Variants in KCNN2 observed in about 807,000 individuals in gnomAD.
KCNN2 encodes potassium calcium-activated channel subfamily N member 2.
In KCNN2, 24 loss-of-function variants were observed where a neutral mutation model predicts 55.5. The ratio of observed to expected loss-of-function variants is 0.43; its 90% CI spans 0.31 to 0.61. The LOEUF is 0.61. Ranked by LOEUF, KCNN2 falls within the 20% of genes least tolerant of loss-of-function variation. KCNN2 has a pLI of 0.08. For missense variants in KCNN2, 754 were observed against 853.6 expected (o/e 0.88, Z 1.45); for synonymous variants, 431 against 336.1 (o/e 1.28, Z -3.09).
Position 114,363,256 on chromosome 5 carries a change from G to C in KCNN2, c.1117G>C (p.Asp373His). 1 of 1,607,658 alleles carries C rather than the reference G, an allele frequency of 6.2e-7. No individual in the cohort carries two copies. Among genetic ancestry groups the C allele is most frequent in the Non-Finnish European group, 8.5e-7 (1 of 1,177,408 alleles). The stretch of plus-strand genomic sequence containing the variant: ...GACCGAGCTGTCGTGGGGCGCCTAC[G>C]ACAAGGTACAGGCTTGAACCCCAGC... The part of the protein sequence containing the change: ...IETELSWGAY[D>H]KASLYSLALK... The change falls in exon 1 of 8, where the codon GAC becomes CAC. Residue 373 changes from aspartate (D) to histidine (H), a missense_variant. This residue lies in a region of KCNN2 where 123 missense variants were observed against 204.9 expected (regional missense o/e 0.60). Coordinates refer to ENST00000673685, the MANE Select transcript of KCNN2 (RefSeq NM_021614.4).
At chr5:114,313,722 A>AATAT (rs1356373006) in intron 2 of KCNN2, among the ~76,000 whole-genome samples, 1 of 152,124 alleles carries the variant, frequency 6.6e-6, no homozygotes, top group Non-Finnish European at 1.5e-5. Context: ...TCTTCCCTTT[A>AATAT]ATATATGTCT....
At chr5:114,289,787 A>C (rs3101071) in intron 2 of KCNN2, among the ~76,000 whole-genome samples, 48,640 of 151,990 alleles carry the variant, frequency 0.32, 8,055 homozygotes, top group Middle Eastern at 0.35. Flanking sequence ...ATTAATAGTA[A>C]ATCATTAACA....
At chr5:114,226,208 C>A (rs940780480) in intron 2 of KCNN2, among the ~76,000 whole-genome samples, 3 of 152,092 alleles carry the variant, frequency 2.0e-5, no homozygotes, top group African/African-American at 4.8e-5. Context: ...TCTTAAAATG[C>A]AGAGTACATA....
At chr5:114,489,428 T>C (rs1747740653) in intron 6 of KCNN2, among the ~76,000 whole-genome samples, 1 of 152,036 alleles carries the variant, frequency 6.6e-6, no homozygotes, top group South Asian at 2.1e-4. Context: ...TCTTAGCATA[T>C]TGTGTTTGGA....
chr5:114,308,167 A>G (rs1303688226), intron 2 of KCNN2, among the ~76,000 whole-genome samples: 6 of 152,144 alleles, frequency 3.9e-5, no homozygotes, highest in African/African-American at 1.4e-4. Context: ...ATGCCACCAC[A>G]TGCTGGGGAT....
At chr5:114,214,513 G>T in intron 1 of KCNN2, among the ~76,000 whole-genome samples, 1 of 152,158 alleles carries the variant, frequency 6.6e-6, no homozygotes, top group Admixed American at 6.5e-5. Context: ...AGCCCCAGAG[G>T]AAATAGCTAG....
At chr5:114,445,672 T>C (rs1760377835) in intron 3 of KCNN2, among the ~76,000 whole-genome samples, 1 of 152,248 alleles carries the variant, frequency 6.6e-6, no homozygotes, top group Non-Finnish European at 1.5e-5. Context: ...TTCCTGTAGT[T>C]TGCTAGTATT....
intron 2 of KCNN2, among the ~76,000 whole-genome samples, chr5:114,294,159 AT>A (rs1486148072): frequency 3.3e-5 from 5 of 151,946 alleles, no homozygotes; most frequent in Admixed American, 3.3e-4. Flanking sequence ...GGATGCATTA[AT>A]TTTTTGAAGG....
intron 1 of KCNN2, among the ~76,000 whole-genome samples, chr5:114,108,196 G>C (rs1023745273): frequency 3.3e-5 from 5 of 151,810 alleles, no homozygotes; most frequent in Admixed American, 1.3e-4. Flanking sequence ...AAGTTCGAAG[G>C]GAAGGATTTC....
At chr5:114,118,044 C>G (rs1053658020) in intron 1 of KCNN2, among the ~76,000 whole-genome samples, 1 of 152,108 alleles carries the variant, frequency 6.6e-6, no homozygotes, top group Admixed American at 6.5e-5. Context: ...CTTGCCATCA[C>G]CAAGAGTTTG....
At chr5:114,286,197 C>T (rs899858947) in intron 2 of KCNN2, among the ~76,000 whole-genome samples, 1 of 152,112 alleles carries the variant, frequency 6.6e-6, no homozygotes, top group African/African-American at 2.4e-5. Context: ...CCTCCACTGG[C>T]TGGATTTAAG....
At chr5:114,411,260 A>C (rs538136170) in intron 3 of KCNN2, among the ~76,000 whole-genome samples, 146 of 152,204 alleles carry the variant, frequency 9.6e-4, no homozygotes, top group Non-Finnish European at 1.6e-3. Flanking sequence ...TTTCGTTTTT[A>C]ATTTCCTGGA....
chr5:114,327,193 C>A (rs1756730880), intron 2 of KCNN2, among the ~76,000 whole-genome samples: 1 of 152,230 alleles, frequency 6.6e-6, no homozygotes, highest in African/African-American at 2.4e-5. Context: ...ACTTACCCTG[C>A]AAGACAAATT....
chr5:114,352,684 T>A (rs1206404346), intron 2 of KCNN2, among the ~76,000 whole-genome samples: 1 of 151,920 alleles, frequency 6.6e-6, no homozygotes, highest in Non-Finnish European at 1.5e-5. Context: ...TCTTTGATTC[T>A]TATTTAGGAG....
chr5:114,096,986 A>G (rs1480893044), intron 1 of KCNN2, among the ~76,000 whole-genome samples: 1 of 139,092 alleles, frequency 7.2e-6, no homozygotes, highest in Non-Finnish European at 1.6e-5. Flanking sequence ...GACACCAGGT[A>G]ACTGGCCCAG....
intron 1 of KCNN2, among the ~76,000 whole-genome samples, chr5:114,088,841 G>A (rs530728119): frequency 6.6e-6 from 1 of 152,042 alleles, no homozygotes; most frequent in African/African-American, 2.4e-5. Flanking sequence ...GACTGGTCTC[G>A]AACTCCTGAC....
At chr5:114,167,319 G>T (rs147704293) in intron 1 of KCNN2, among the ~76,000 whole-genome samples, 1 of 152,044 alleles carries the variant, frequency 6.6e-6, no homozygotes, top group Non-Finnish European at 1.5e-5. Context: ...TACCAAGTTT[G>T]ATTTGTTATA....
chr5:114,428,195 A>G (rs1218313076), intron 3 of KCNN2, among the ~76,000 whole-genome samples: 2 of 152,158 alleles, frequency 1.3e-5, no homozygotes, highest in Non-Finnish European at 2.9e-5. Flanking sequence ...TTACAAAGTA[A>G]TTTTGTTAGA....
chr5:114,162,159 G>A (rs556064619), intron 1 of KCNN2, among the ~76,000 whole-genome samples: 56 of 152,256 alleles, frequency 3.7e-4, no homozygotes, highest in Admixed American at 1.0e-3. Context: ...TTTGATGATG[G>A]TGATGTACAG....
Sources: allele counts gnomAD v4.1 joint callset (sites outside exome capture counted in the v4.1 genomes callset), GRCh38; gene constraint gnomAD v4.1.1; regional missense constraint gnomAD v4.1.1; transcripts MANE v1.5; gene names NCBI Gene and HGNC (gene_info 2026-07-23, HGNC 2026-07-21).